The following FREM3 variants were observed in gnomAD, a reference collection of about 807,000 sequenced individuals.
FREM3 encodes the protein FRAS1 related extracellular matrix 3.
A neutral mutation model predicts 129.1 loss-of-function variants in FREM3; 105 were observed. That is an observed-to-expected ratio of 0.81 (90% CI 0.69 to 0.96). The LOEUF is 0.96. Ranked by LOEUF, FREM3 falls within the 40% of genes least tolerant of loss-of-function variation. FREM3 has a pLI of 0.00. For synonymous variants in FREM3, 1,014 were observed against 1,044.9 expected (o/e 0.97, Z 0.57); for missense variants, 2,593 against 2,666.3 (o/e 0.97, Z 0.61).
rs184925770 is a variant in FREM3, at chr4:143,577,647, C to T, written c.6384G>A (p.Thr2128=). 1.3e-3 allele frequency: 2,073 copies of T among 1,537,254 alleles called. 23 individuals are homozygous for T. The African/African-American group carries it at 0.021, about 15-fold the overall frequency. ...AACTACAAGCACTCTGCTTACAGTC[C>T]GTGATGGTGTCCTCGATGAAAATGG... is the stretch of plus-strand genomic sequence containing the variant. ...KTTIFIEDTI[T]DCKQSACSSF... Residue 2128 remains threonine (T), a synonymous_variant, in exon 8 of 8, where the codon ACG becomes ACA. Transcript: ENST00000329798.
At chr4:143,621,227 C>G (rs182040089) in intron 4 of FREM3, 65 bp from the exon 5 acceptor site, 21 of 1,440,058 alleles carry the variant, frequency 1.5e-5, no homozygotes, top group East Asian at 1.2e-4. Flanking sequence ...TTAAACACAC[C>G]TGAGCAGAAA....
chr4:143,609,565 G>A (rs1738720977), intron 6 of FREM3, among the ~76,000 whole-genome samples: 1 of 152,038 alleles, frequency 6.6e-6, no homozygotes, highest in East Asian at 1.9e-4. Flanking sequence ...GTAGCACTCG[G>A]TGTGGGTAAA....
intron 2 of FREM3, among the ~76,000 whole-genome samples, chr4:143,680,785 A>G (rs1740235352): frequency 6.6e-6 from 1 of 152,134 alleles, no homozygotes; most frequent in African/African-American, 2.4e-5. Context: ...AAAGAGTTTA[A>G]TGTTCTAAGT....
At chr4:143,604,315 T>C (rs960210513) in intron 6 of FREM3, among the ~76,000 whole-genome samples, 1 of 152,098 alleles carries the variant, frequency 6.6e-6, no homozygotes, top group Non-Finnish European at 1.5e-5. Context: ...AGGACTCTTT[T>C]ATAGCAACGC....
At chr4:143,606,141 C>A (rs993461540) in intron 6 of FREM3, among the ~76,000 whole-genome samples, 7 of 152,150 alleles carry the variant, frequency 4.6e-5, no homozygotes, top group African/African-American at 1.7e-4. Context: ...ATACAGTCAG[C>A]AGGTCTCCAC....
intron 2 of FREM3, among the ~76,000 whole-genome samples, chr4:143,648,447 A>AC (rs1578850077): frequency 6.6e-6 from 1 of 152,158 alleles, no homozygotes; most frequent in East Asian, 1.9e-4. Flanking sequence ...GGCTCTGTGT[A>AC]CCTACACCTT....
At chr4:143,657,329 T>A (rs1417177547) in intron 2 of FREM3, among the ~76,000 whole-genome samples, 3 of 152,218 alleles carry the variant, frequency 2.0e-5, no homozygotes, top group Non-Finnish European at 4.4e-5. Flanking sequence ...TCCATAAGAA[T>A]AATCCAAATA....
chr4:143,674,850 A>AAT (rs1740078250), intron 2 of FREM3, among the ~76,000 whole-genome samples: 1 of 152,216 alleles, frequency 6.6e-6, no homozygotes, highest in Non-Finnish European at 1.5e-5. Context: ...AACTGTCCTA[A>AAT]ATATATATTC....
chr4:143,613,352 AAC>A (rs1277426552), intron 5 of FREM3, among the ~76,000 whole-genome samples: 1 of 152,134 alleles, frequency 6.6e-6, no homozygotes, highest in East Asian at 1.9e-4. Flanking sequence ...TATGCTTTGA[AAC>A]CTTATTATCT....
chr4:143,613,360 T>C (rs1013994333), intron 5 of FREM3, among the ~76,000 whole-genome samples: 4 of 152,168 alleles, frequency 2.6e-5, no homozygotes, highest in African/African-American at 9.7e-5. Context: ...GAAACCTTAT[T>C]ATCTCATGAG....
chr4:143,591,333 G>T (rs1738357180), intron 6 of FREM3, among the ~76,000 whole-genome samples: 1 of 152,138 alleles, frequency 6.6e-6, no homozygotes, highest in African/African-American at 2.4e-5. Context: ...TGTGATGTTA[G>T]GGTGTGAATT....
Position 143,699,498 on chromosome 4 carries a change from G to T in FREM3, c.1178C>A (p.Ala393Glu). The T allele has an allele frequency of 1.3e-6, 2 of 1,537,282 alleles. No individual in the cohort carries two copies. The highest frequency in any genetic ancestry group is 1.7e-6 in the Non-Finnish European group (2 of 1,146,926). Residue 393 changes from alanine to glutamate, a missense_variant, in exon 1 of 8, where the codon GCA (alanine) becomes GAA (glutamate). Physicochemically the swap from Ala to Glu is moderately radical, Grantham distance 107. This residue lies in a region of FREM3 where 2,276 missense variants were observed against 2,267.2 expected (regional missense o/e 1.00). Transcript: ENST00000329798. This position sits in a 1 kb window ranked among gnomAD's most constrained non-coding sequence, Gnocchi z 4.2. Reference sequence around the variant, plus strand: ...GAGGCGCTCCCCATGGGAGTTCTCTGCAGGGGGCTGATAGGCAATCTTCAG... The same window carrying T: ...GAGGCGCTCCCCATGGGAGTTCTCTTCAGGGGGCTGATAGGCAATCTTCAG... ...RELKIAYQPP[A>E]ENSHGERLFQ... is the part of the protein sequence containing the mutation.
At chr4:143,588,069 T>A (rs1386601167) in intron 6 of FREM3, among the ~76,000 whole-genome samples, 2 of 152,118 alleles carry the variant, frequency 1.3e-5, no homozygotes, top group Admixed American at 6.5e-5. Context: ...CCAGTTTATC[T>A]CCCACATTCA....
intron 2 of FREM3, among the ~76,000 whole-genome samples, chr4:143,635,069 A>G (rs10030195): frequency 5.9e-5 from 9 of 152,010 alleles, no homozygotes; most frequent in African/African-American, 2.2e-4. Context: ...CTGTATGAAA[A>G]CCCAATTTAT....
intron 2 of FREM3, among the ~76,000 whole-genome samples, chr4:143,676,633 C>T (rs1312120341): frequency 6.6e-6 from 1 of 152,224 alleles, no homozygotes; most frequent in African/African-American, 2.4e-5. Context: ...GATTGTATAT[C>T]TAGAAAACCC....
At chr4:143,596,110 A>C (rs1253350636) in intron 6 of FREM3, among the ~76,000 whole-genome samples, 1 of 152,192 alleles carries the variant, frequency 6.6e-6, no homozygotes, top group South Asian at 2.1e-4. Context: ...GTGTAAGGTG[A>C]GAACAGAGGA....
At chr4:143,690,388 G>C (rs1578871440) in intron 2 of FREM3, among the ~76,000 whole-genome samples, 1 of 152,048 alleles carries the variant, frequency 6.6e-6, no homozygotes, top group African/African-American at 2.4e-5. Flanking sequence ...GGAGCACTAG[G>C]GTCATTTTTG....
At chr4:143,661,878 G>T (rs1739732506) in intron 2 of FREM3, among the ~76,000 whole-genome samples, 1 of 152,196 alleles carries the variant, frequency 6.6e-6, no homozygotes, top group Admixed American at 6.5e-5. Flanking sequence ...TGTTTGTGTA[G>T]AGGTGTTTGT....
chr4:143,621,534 C>A (rs1738951462), intron 4 of FREM3, among the ~76,000 whole-genome samples: 1 of 152,156 alleles, frequency 6.6e-6, no homozygotes, highest in Non-Finnish European at 1.5e-5. Flanking sequence ...TTTTAACAAT[C>A]AAGTAATCTA....
Sources: gnomAD v4.1 joint callset for allele counts (sites outside exome capture counted in the v4.1 genomes callset) on GRCh38, gnomAD v4.1.1 for gene constraint, gnomAD v4.1.1 regional missense constraint, Gnocchi (gnomAD v3.1) non-coding constraint, MANE v1.5 for transcripts, NCBI Gene and HGNC (gene_info 2026-07-23, HGNC 2026-07-21) for gene names.